The following LEMD2 variants were observed in gnomAD, a reference collection of about 807,000 sequenced individuals.
LEMD2 encodes LEM domain-containing protein 2.
Under a neutral mutation model 58.8 loss-of-function variants are expected in LEMD2, and 34 were observed. The observed-to-expected ratio is 0.58, with a 90% CI of 0.44 to 0.77. The LOEUF is 0.77. LEMD2 is among the 30% of genes least tolerant of loss of function. LEMD2 has a pLI of 0.00. For missense variants in LEMD2, 629 were observed against 717.9 expected, an observed-to-expected ratio of 0.88 and a Z score of 1.42; for synonymous variants, 298 against 308.9, an observed-to-expected ratio of 0.96 and a Z score of 0.37.
chr6:33,776,517 T>A (rs1424944601), intron 8 of LEMD2: 1 of 195,426 alleles, frequency 5.1e-6, no homozygotes, highest in Non-Finnish European at 1.1e-5. Flanking sequence ...AGTCTGTTGA[T>A]AACATCCATG....
intron 8 of LEMD2, among the ~76,000 whole-genome samples, chr6:33,773,342 AC>A (rs1349771410): frequency 6.6e-6 from 1 of 151,502 alleles, no homozygotes; most frequent in Non-Finnish European, 1.5e-5. Context: ...AGGGCCTTGC[AC>A]CCCCCTGGAC....
intron 3 of LEMD2, 145 bp from the exon 4 acceptor site, chr6:33,781,298 T>G (rs1767560104): frequency 1.6e-6 from 1 of 617,168 alleles, no homozygotes; most frequent in Admixed American, 2.9e-5. Flanking sequence ...GCATCTTCAC[T>G]CTGCAGCAAG....
intron 3 of LEMD2, among the ~76,000 whole-genome samples, chr6:33,782,785 G>C (rs1167093085): frequency 1.3e-5 from 2 of 152,372 alleles, no homozygotes; most frequent in South Asian, 2.1e-4. Flanking sequence ...GCAAGGGCCT[G>C]CACAGTGCCC....
At chr6:33,787,789 T>C (rs548019128) in intron 1 of LEMD2, among the ~76,000 whole-genome samples, 1 of 152,254 alleles carries the variant, frequency 6.6e-6, no homozygotes, top group East Asian at 1.9e-4. Context: ...ACACACTCCA[T>C]GAGGGTGCTA....
intron 3 of LEMD2, among the ~76,000 whole-genome samples, chr6:33,783,193 T>C (rs568047738): frequency 6.6e-5 from 10 of 152,308 alleles, no homozygotes; most frequent in African/African-American, 2.4e-4. Context: ...AACACTCTCT[T>C]AGGTCAGAAT....
chr6:33,787,414 CCA>C (rs1313480809), intron 1 of LEMD2, among the ~76,000 whole-genome samples: 11 of 152,196 alleles, frequency 7.2e-5, no homozygotes, highest in Non-Finnish European at 1.6e-4. Flanking sequence ...ATACCCTTGC[CCA>C]CAGACTTGTA....
At chr6:33,772,847 C>A in intron 8 of LEMD2, 69 bp from the exon 9 acceptor site, 1 of 1,390,844 alleles carries the variant, frequency 7.2e-7, no homozygotes, top group Non-Finnish European at 9.9e-7. Flanking sequence ...GCCCCTCCTA[C>A]AAAGGGCACA....
intron 8 of LEMD2, among the ~76,000 whole-genome samples, chr6:33,775,875 G>A (rs1767418447): frequency 2.6e-5 from 4 of 152,172 alleles, no homozygotes; most frequent in South Asian, 2.1e-4. Context: ...GGCTCCCAGG[G>A]AGCACTCAGC....
intron 1 of LEMD2, 59 bp downstream of exon 1, chr6:33,788,322 G>C (rs1429076867): frequency 2.0e-6 from 3 of 1,476,024 alleles, no homozygotes; most frequent in Non-Finnish European, 2.7e-6. Context: ...AGGAACGGGG[G>C]GTCCTCCGGC....
At chr6:33,773,918 G>T (rs920865868) in intron 8 of LEMD2, among the ~76,000 whole-genome samples, 2 of 152,324 alleles carry the variant, frequency 1.3e-5, no homozygotes, top group Admixed American at 1.3e-4. Flanking sequence ...GGCTTGGGAG[G>T]TAAGTCAAGA....
At chr6:33,785,609 T>C (rs1008945437) in intron 2 of LEMD2, among the ~76,000 whole-genome samples, 1 of 152,204 alleles carries the variant, frequency 6.6e-6, no homozygotes, top group African/African-American at 2.4e-5. Flanking sequence ...TTTTTCTAAT[T>C]AAAAGACAAA....
chr6:33,776,751 CAT>C (rs1767438313), intron 8 of LEMD2: 2 of 605,076 alleles, frequency 3.3e-6, no homozygotes, highest in South Asian at 1.9e-5. Flanking sequence ...ATTGTGCTTT[CAT>C]ATGTCTTTTC....
intron 2 of LEMD2, among the ~76,000 whole-genome samples, chr6:33,786,274 G>A (rs1767673838): frequency 6.6e-6 from 1 of 152,194 alleles, no homozygotes; most frequent in African/African-American, 2.4e-5. Flanking sequence ...CTTAAGATGT[G>A]TTCCAAACAA....
At chr6:33,786,101 G>A (rs115430652) in intron 2 of LEMD2, among the ~76,000 whole-genome samples, 78 of 152,308 alleles carry the variant, frequency 5.1e-4, no homozygotes, top group African/African-American at 1.9e-3. Context: ...TACAATTTAA[G>A]ACCTGAAAAT....
intron 2 of LEMD2, 191 bp from the exon 3 acceptor site, chr6:33,784,618 CT>C (rs1374355725): frequency 1.8e-6 from 1 of 542,896 alleles, no homozygotes; most frequent in Non-Finnish European, 3.3e-6. Context: ...GGTTAACTGC[CT>C]GAGAAAGACC....
intron 8 of LEMD2, among the ~76,000 whole-genome samples, chr6:33,775,989 G>A (rs1199059380): frequency 1.3e-5 from 2 of 152,142 alleles, no homozygotes; most frequent in South Asian, 2.1e-4. Flanking sequence ...CACTGGGGGG[G>A]GCCCTGCTGG....
intron 1 of LEMD2, chr6:33,787,057 G>C (rs1767693727): frequency 6.5e-6 from 3 of 463,162 alleles, no homozygotes; most frequent in Admixed American, 4.2e-5. Context: ...CTGTCTCCTC[G>C]TCTGTAAAAC....
At position 33,772,641 on chromosome 6, in the gene LEMD2, T is replaced by G; in HGVS notation, c.1499A>C (p.Asp500Ala). 1 of 1,613,646 alleles carries G rather than the reference T, an allele frequency of 6.2e-7. No homozygotes were observed. The highest frequency in any genetic ancestry group is 8.5e-7 in the Non-Finnish European group (1 of 1,179,888). Residue 500 changes from aspartate to alanine, a missense_variant, in exon 9 of 9, where the codon GAC becomes GCC. Around this residue, in one of 2 missense-constraint regions of LEMD2, gnomAD observed 243 missense variants for 336.8 expected, o/e 0.72. Transcript: ENST00000293760. ...CCCGCCCGGGGCTTATCGCTCTGAGTCAGAGAAGGAAGAGGGCTTAGTCCA... is the reference window on the plus strand; with the variant it reads ...CCCGCCCGGGGCTTATCGCTCTGAGGCAGAGAAGGAAGAGGGCTTAGTCCA... ...WRWTKPSSFS[D>A]SER
chr6:33,786,915 G>A (rs1343288943), intron 1 of LEMD2, 141 bp from the exon 2 acceptor site: 1 of 1,461,000 alleles, frequency 6.8e-7, no homozygotes, highest in Non-Finnish European at 9.0e-7. Context: ...TCTAAGGAAG[G>A]CACTTTTAAA....
Sources: gnomAD v4.1 joint callset for allele counts (sites outside exome capture counted in the v4.1 genomes callset) on GRCh38, gnomAD v4.1.1 for gene constraint, gnomAD v4.1.1 regional missense constraint, MANE v1.5 for transcripts, NCBI Gene and HGNC (gene_info 2026-07-23, HGNC 2026-07-21) for gene names.